Variants in TBCEL observed in about 807,000 individuals in gnomAD.
TBCEL encodes tubulin-specific chaperone cofactor E-like protein.
Under a neutral mutation model 44.2 loss-of-function variants are expected in TBCEL, and 15 were observed. The observed-to-expected ratio is 0.34, with a 90% CI of 0.23 to 0.52. The LOEUF (loss-of-function observed/expected upper bound fraction) is 0.52. TBCEL is among the 20% of genes least tolerant of loss of function. TBCEL has a pLI of 0.95. For missense variants in TBCEL, 319 were observed against 506.3 expected (o/e 0.63, Z 3.55); for synonymous variants, 171 against 185.4 (o/e 0.92, Z 0.63).
At chr11:121,065,948 A>T (rs187575830) in intron 8 of TBCEL, among the ~76,000 whole-genome samples, 1 of 152,328 alleles carries the variant, frequency 6.6e-6, no homozygotes, top group East Asian at 1.9e-4. Context: ...TTACCTGAGG[A>T]ACTATTGCCT....
At chr11:121,034,640 C>A (rs1385199544) in intron 1 of TBCEL, among the ~76,000 whole-genome samples, 3 of 152,066 alleles carry the variant, frequency 2.0e-5, no homozygotes, top group Non-Finnish European at 2.9e-5. Flanking sequence ...ATGCTAGATA[C>A]AAACAAGCAT....
Position 121,045,701 on chromosome 11 carries a change from C to G in TBCEL, c.11C>G (p.Pro4Arg), listed in dbSNP as rs780739140. Residue 4 changes from proline (P) to arginine (R), a missense_variant, in exon 3 of 9, where the codon CCT becomes CGT. By Grantham distance (103) the Pro-to-Arg change is moderately radical. Transcript: ENST00000683345. MDQ[P>R]SGRSFMQVLC... is the part of the protein sequence containing the mutation. Reference sequence around the variant, plus strand: ...TTTTAAGAAAGAAAGATGGATCAACCTAGTGGAAGAAGTTTCATGCAAGTA... The same window carrying G: ...TTTTAAGAAAGAAAGATGGATCAACGTAGTGGAAGAAGTTTCATGCAAGTA... The G allele has an allele frequency of 3.1e-6, 5 of 1,594,740 alleles. No individual in the cohort carries two copies. In the East Asian group the frequency reaches 1.1e-4, roughly 36 times the overall value.
intron 8 of TBCEL, among the ~76,000 whole-genome samples, chr11:121,071,418 A>C (rs1404519917): frequency 6.6e-6 from 1 of 152,168 alleles, no homozygotes; most frequent in Non-Finnish European, 1.5e-5. Context: ...TCAGACTTTA[A>C]AATTTTGCTT....
Position 121,045,821 on chromosome 11 carries a change from A to G in TBCEL, c.131A>G (p.Lys44Arg). ...GCCACACCTCAGGGCTCTCCTATGA[A>G]AGGTAAGAAAGATGGGACCTAAAAC... ...VPATPQGSPM[K>R]DRLNLPSVLV... Residue 44 changes from lysine to arginine, a missense_variant and splice_region_variant, in exon 3 of 9, where the codon AAA (lysine) becomes AGA (arginine). Physicochemically the swap from Lys to Arg is conservative, Grantham distance 26 (BLOSUM62 2). Coordinates refer to ENST00000683345, the MANE Select transcript of TBCEL (RefSeq NM_001363644.2). 1 of 1,580,148 alleles carries G rather than the reference A, an allele frequency of 6.3e-7. No individual in the cohort carries two copies. The highest frequency in any genetic ancestry group is 8.5e-7 in the Non-Finnish European group (1 of 1,169,602).
intron 8 of TBCEL, among the ~76,000 whole-genome samples, chr11:121,061,686 G>A (rs984269575): frequency 4.6e-5 from 7 of 151,994 alleles, no homozygotes; most frequent in African/African-American, 7.2e-5. Flanking sequence ...GTACAGTGAC[G>A]ACATGGTATA....
At position 121,045,348 on chromosome 11, in the gene TBCEL, A is replaced by G. The variant is rs114261644; in HGVS notation, c.-17-326A>G. 4.0e-3 allele frequency among the ~76,000 whole-genome samples: 613 copies of G among 152,204 alleles called. 6 individuals carry two copies. The highest frequency in any genetic ancestry group is 0.014 in the African/African-American group (585 of 41,540). On this transcript the variant is annotated intron_variant, in intron 2 of 8. Transcript: ENST00000683345. Reference sequence around the variant, plus strand: ...ACCTTCTTTTTCAGACCTTTCTTCAATTACTTATCCACATGAATCCTATGT... The same window carrying G: ...ACCTTCTTTTTCAGACCTTTCTTCAGTTACTTATCCACATGAATCCTATGT...
chr11:121,050,600 C>T (rs989653872), intron 4 of TBCEL, among the ~76,000 whole-genome samples: 5 of 151,504 alleles, frequency 3.3e-5, no homozygotes, highest in Admixed American at 1.3e-4. Context: ...CCCAAGCTAC[C>T]TTCTTTTTAC....
chr11:121,030,174 G>A (rs1945118067), intron 1 of TBCEL, among the ~76,000 whole-genome samples: 1 of 152,198 alleles, frequency 6.6e-6, no homozygotes, highest in Non-Finnish European at 1.5e-5. Context: ...GGGCAATCCT[G>A]CAAATGCAAA....
At chr11:121,058,069 A>G (rs112994923) in intron 6 of TBCEL, among the ~76,000 whole-genome samples, 2 of 151,964 alleles carry the variant, frequency 1.3e-5, no homozygotes, top group African/African-American at 4.8e-5. Context: ...ACCCCTCTTT[A>G]TAAGTCACTT....
chr11:121,073,770 C>A (rs1365450872), intron 8 of TBCEL, among the ~76,000 whole-genome samples: 1 of 151,686 alleles, frequency 6.6e-6, no homozygotes, highest in East Asian at 1.9e-4. Flanking sequence ...CTAAGAGTTT[C>A]TTTTATTACG....
intron 1 of TBCEL, among the ~76,000 whole-genome samples, chr11:121,032,728 A>G (rs1945166420): frequency 6.6e-6 from 1 of 152,220 alleles, no homozygotes; most frequent in Non-Finnish European, 1.5e-5. Context: ...GCATGGCACT[A>G]GATAGATCAT....
At chr11:121,054,691 C>G in intron 5 of TBCEL, 2 of 159,062 alleles carry the variant, frequency 1.3e-5, no homozygotes, top group Non-Finnish European at 2.7e-5. Context: ...TTATGGAAGT[C>G]CTCCCCTCCT....
intron 8 of TBCEL, 125 bp from the exon 9 acceptor site, chr11:121,086,653 A>C (rs1197411095): frequency 1.4e-6 from 1 of 722,234 alleles, no homozygotes. Context: ...CATAGGAGTC[A>C]TGTGATAGAA....
intron 4 of TBCEL, among the ~76,000 whole-genome samples, chr11:121,050,146 A>G (rs1202182581): frequency 6.6e-6 from 1 of 151,768 alleles, no homozygotes; most frequent in Non-Finnish European, 1.5e-5. Flanking sequence ...GAAATATGAC[A>G]AAAGAATGTT....
chr11:121,061,807 A>G (rs1261758105), intron 8 of TBCEL, among the ~76,000 whole-genome samples: 1 of 152,126 alleles, frequency 6.6e-6, no homozygotes, highest in African/African-American at 2.4e-5. Flanking sequence ...GTGGAGGCCT[A>G]GGACATTACT....
At position 121,052,185 on chromosome 11, in the gene TBCEL, G is replaced by T. The variant is rs763843369; in HGVS notation, c.274-1366G>T. On this transcript the variant is annotated intron_variant, in intron 4 of 8. Transcript: ENST00000683345. Reference sequence around the variant, plus strand: ...TTCATAATAGTTACATTTATTAAATGATTTTTTGCCATTAAGTTATTCAAT... The same window carrying T: ...TTCATAATAGTTACATTTATTAAATTATTTTTTGCCATTAAGTTATTCAAT... Among the ~76,000 whole-genome samples the T allele has an allele frequency of 2.6e-5, 4 of 151,774 alleles. No homozygotes were observed. The East Asian group carries it at 5.8e-4, about 22-fold the overall frequency.
chr11:121,055,567 T>A (rs1349634765), intron 6 of TBCEL, among the ~76,000 whole-genome samples: 1 of 151,784 alleles, frequency 6.6e-6, no homozygotes, highest in African/African-American at 2.4e-5. Context: ...AAAAGTGAAA[T>A]GAAATTGATG....
intron 2 of TBCEL, among the ~76,000 whole-genome samples, chr11:121,043,244 C>T (rs1424415982): frequency 2.6e-5 from 4 of 152,088 alleles, no homozygotes; most frequent in African/African-American, 9.7e-5. Flanking sequence ...TAATACTCGG[C>T]AACGTTTATC....
rs75074831 is a variant in TBCEL at position 121,030,633 on chromosome 11, C to G, written c.-125-5872C>G. The stretch of plus-strand genomic sequence containing the variant: ...AGAAGAAGAGAAAAGTCAAATATAA[C>G]TTCCAAGATGGGAATGAGTGGAAGA... On this transcript the variant is annotated intron_variant, in intron 1 of 8. Transcript: ENST00000683345. Among the ~76,000 whole-genome samples the G allele has an allele frequency of 2.0e-5, 3 of 152,242 alleles. No homozygotes were observed. The East Asian group carries it at 5.8e-4, about 29-fold the overall frequency.
Sources: gnomAD v4.1 joint callset for allele counts (sites outside exome capture counted in the v4.1 genomes callset) on GRCh38, gnomAD v4.1.1 for gene constraint, MANE v1.5 for transcripts, NCBI Gene and HGNC (gene_info 2026-07-23, HGNC 2026-07-21) for gene names.